Variants in ZMYM1 observed in about 807,000 individuals in gnomAD.
ZMYM1 encodes the protein zinc finger MYM-type protein 1.
Under a neutral mutation model 60.0 loss-of-function variants are expected in ZMYM1, and 39 were observed. The ratio of observed to expected loss-of-function variants is 0.65; its 90% CI spans 0.50 to 0.85. The LOEUF (loss-of-function observed/expected upper bound fraction) is 0.85. Ranked by LOEUF, ZMYM1 falls within the 40% of genes least tolerant of loss-of-function variation. The pLI is 0.00. For missense variants in ZMYM1, 1,171 were observed against 1,309.5 expected, an observed-to-expected ratio of 0.89 and a Z score of 1.63; for synonymous variants, 413 against 454.0, an observed-to-expected ratio of 0.91 and a Z score of 1.15.
At chr1:35,098,119 G>T (rs1468295788) in intron 4 of ZMYM1, among the ~76,000 whole-genome samples, 1 of 152,052 alleles carries the variant, frequency 6.6e-6, no homozygotes, top group Non-Finnish European at 1.5e-5. Flanking sequence ...CTGTAAATGG[G>T]ATTATTGTTT....
chr1:35,089,823 G>A (rs1642891370), intron 1 of ZMYM1, among the ~76,000 whole-genome samples: 1 of 123,488 alleles, frequency 8.1e-6, no homozygotes, highest in African/African-American at 3.0e-5. Flanking sequence ...TTGGTTCACT[G>A]CAAGGTCTGC....
At chr1:35,112,157 T>A (rs771778521) in intron 9 of ZMYM1, 27 bp downstream of exon 9, 1 of 1,610,080 alleles carries the variant, frequency 6.2e-7, no homozygotes, top group Non-Finnish European at 8.5e-7. Flanking sequence ...TTTACCACTG[T>A]CTTTTTTTAA....
At chr1:35,118,241 CA>C (rs11364403), downstream of ZMYM1, among the ~76,000 whole-genome samples, 67,766 of 100,220 alleles carry the variant, frequency 0.68, 22,266 homozygotes, top group Non-Finnish European at 0.81. Context: ...AACTCCGTCT[CA>C]AAAAAAAAAA....
intron 7 of ZMYM1, 87 bp from the exon 8 acceptor site, chr1:35,111,685 C>A: frequency 1.6e-6 from 2 of 1,269,772 alleles, no homozygotes; most frequent in South Asian, 2.2e-5. Flanking sequence ...TAGATGCTTG[C>A]ATTATTTCTT....
At chr1:35,098,781 C>T (rs1011612491) in intron 4 of ZMYM1, among the ~76,000 whole-genome samples, 15 of 152,124 alleles carry the variant, frequency 9.9e-5, no homozygotes, top group African/African-American at 3.4e-4. Context: ...GTGGCATGCA[C>T]CTGTAATCCC....
chr1:35,106,959 C>A (rs938965036), intron 6 of ZMYM1, among the ~76,000 whole-genome samples: 2 of 151,702 alleles, frequency 1.3e-5, no homozygotes, highest in African/African-American at 4.8e-5. Flanking sequence ...TCACGCCATT[C>A]TCGTATCTCA....
intron 3 of ZMYM1, 136 bp from the exon 4 acceptor site, chr1:35,097,181 C>A: frequency 2.0e-6 from 2 of 975,862 alleles, no homozygotes; most frequent in Non-Finnish European, 3.0e-6. Flanking sequence ...GATCGTATCA[C>A]TACACTGCCT....
downstream of ZMYM1, among the ~76,000 whole-genome samples, chr1:35,117,066 C>A (rs1305614945): frequency 6.8e-6 from 1 of 146,596 alleles, no homozygotes; most frequent in Non-Finnish European, 1.5e-5. Context: ...CTCCTGACCT[C>A]GTGATCCGCC....
upstream of ZMYM1, among the ~76,000 whole-genome samples, chr1:35,074,859 T>A (rs865968850): frequency 0.05 from 7,559 of 151,440 alleles, 558 homozygotes; most frequent in African/African-American, 0.16. Context: ...ATATATATTT[T>A]TTTTTTTTTT....
At position 35,110,457 on chromosome 1, in the gene ZMYM1, G is replaced by A; in HGVS notation, c.961+10G>A. The A allele has an allele frequency of 6.8e-7, 1 of 1,466,348 alleles. No individual in the cohort carries two copies. The highest frequency in any genetic ancestry group is 2.6e-5 in the East Asian group (1 of 38,972). The allele number at this position is 1,466,348 out of a possible 1,614,324, so 90.8% of individuals were successfully genotyped here. A position where few individuals can be genotyped will look rare whatever the true frequency, so the allele number is the denominator to read the frequency against. On this transcript the variant is annotated intron_variant, in intron 7 of 9. Coordinates refer to ENST00000359858, the MANE Select transcript of ZMYM1 (RefSeq NM_024772.5). Reference sequence around the variant, plus strand: ...ATGGAATCTTCTTCAGGTAATGTTTGTTTAGCAATTGTAGGGGTTTAGTAA... The same window carrying A: ...ATGGAATCTTCTTCAGGTAATGTTTATTTAGCAATTGTAGGGGTTTAGTAA...
At chr1:35,084,475 A>G (rs1274066321) in intron 1 of ZMYM1, among the ~76,000 whole-genome samples, 1 of 152,230 alleles carries the variant, frequency 6.6e-6, no homozygotes. Context: ...AGCAGATGAC[A>G]TTGATCCTGT....
At chr1:35,083,500 C>T (rs546447147) in intron 1 of ZMYM1, among the ~76,000 whole-genome samples, 8 of 152,290 alleles carry the variant, frequency 5.3e-5, no homozygotes, top group Non-Finnish European at 7.4e-5. Flanking sequence ...GTAACTATGA[C>T]ATGCCTACTC....
rs569057002 is a variant in ZMYM1 at position 35,064,532 on chromosome 1, G to A, written c.-301+4607G>A. Among the ~76,000 whole-genome samples the A allele has an allele frequency of 8.0e-4, 121 of 151,628 alleles. 1 individual carries two copies. The highest frequency in any genetic ancestry group is 2.7e-3 in the African/African-American group (113 of 41,392). ...TTCAAGTACATGAGGAACATTTACC[G>A]AAATAGACAATATCCTGGGTTATAA... is the stretch of plus-strand genomic sequence containing the variant. On this transcript the variant is annotated intron_variant, in intron 1 of 10. Transcript: ENST00000417119.
intron 1 of ZMYM1, among the ~76,000 whole-genome samples, chr1:35,086,560 ATAAAT>A (rs1278219196): frequency 6.6e-6 from 1 of 152,206 alleles, no homozygotes; most frequent in Non-Finnish European, 1.5e-5. Flanking sequence ...TAGTCTCTAT[ATAAAT>A]TAGTTTTGAG....
intron 1 of ZMYM1, among the ~76,000 whole-genome samples, chr1:35,068,207 C>T (rs1337116992): frequency 6.6e-6 from 1 of 151,498 alleles, no homozygotes; most frequent in African/African-American, 2.4e-5. Flanking sequence ...TCATTTGAGG[C>T]CAGGAGTTCA....
At position 35,105,238 on chromosome 1, in the gene ZMYM1, C is replaced by T. The variant is rs550861488; in HGVS notation, c.807+469C>T. ...CAAGTTCTGCCTCGCGGGTTCATGC[C>T]ATTCTCCTGCCTCGGCCTCCCAAGT... On this transcript the variant is annotated intron_variant, in intron 6 of 9. Coordinates refer to ENST00000359858, the MANE Select transcript of ZMYM1 (RefSeq NM_024772.5). Among the ~76,000 whole-genome samples the T allele has an allele frequency of 3.4e-5, 5 of 148,350 alleles. No individual in the cohort carries two copies. In the South Asian group the frequency reaches 1.1e-3, roughly 32 times the overall value.
intron 7 of ZMYM1, among the ~76,000 whole-genome samples, chr1:35,110,979 ATTAT>A (rs1644068435): frequency 6.6e-6 from 1 of 152,058 alleles, no homozygotes; most frequent in Non-Finnish European, 1.5e-5. Flanking sequence ...CTTTTTTTAG[ATTAT>A]TTAGTAAATG....
At chr1:35,118,288 T>C (rs1203395681), downstream of ZMYM1, among the ~76,000 whole-genome samples, 2 of 150,856 alleles carry the variant, frequency 1.3e-5, no homozygotes, top group Non-Finnish European at 3.0e-5. Context: ...TAGTATTGAA[T>C]GTGTGTTGCA....
At chr1:35,075,692 A>T (rs934808116), upstream of ZMYM1, among the ~76,000 whole-genome samples, 8 of 152,208 alleles carry the variant, frequency 5.3e-5, no homozygotes, top group African/African-American at 1.9e-4. Flanking sequence ...ATATACACCA[A>T]TTCCAAATAT....
Sources: allele counts gnomAD v4.1 joint callset (sites outside exome capture counted in the v4.1 genomes callset), GRCh38; gene constraint gnomAD v4.1.1; transcripts MANE v1.5; gene names NCBI Gene and HGNC (gene_info 2026-07-23, HGNC 2026-07-21).